Variants in ZDHHC18 observed in about 807,000 individuals in gnomAD.
The protein encoded by ZDHHC18 is zDHHC palmitoyltransferase 18.
Under a neutral mutation model 37.5 loss-of-function variants are expected in ZDHHC18, and 23 were observed. That is an observed-to-expected ratio of 0.61 (90% CI 0.44 to 0.87). ZDHHC18 has a LOEUF of 0.87. ZDHHC18 is among the 40% of genes least tolerant of loss of function. ZDHHC18 has a pLI of 0.00. For missense variants in ZDHHC18, 406 were observed against 525.6 expected (o/e 0.77, Z 2.22); for synonymous variants, 185 against 218.7 (o/e 0.85, Z 1.36).
chr1:26,832,143 C>T (rs2081590959), intron 1 of ZDHHC18: 1 of 314,502 alleles, frequency 3.2e-6, no homozygotes, highest in African/African-American at 2.1e-5. Context: ...TAGTGTCTGC[C>T]TGAAGCTCTG....
chr1:26,848,844 G>T, intron 3 of ZDHHC18, 87 bp downstream of exon 3: 4 of 1,519,242 alleles, frequency 2.6e-6, no homozygotes, highest in Non-Finnish European at 3.6e-6. Context: ...TGGGGATGGC[G>T]TGGGCAGGGT....
intron 2 of ZDHHC18, among the ~76,000 whole-genome samples, chr1:26,838,474 C>T (rs1204509014): frequency 6.6e-6 from 1 of 152,182 alleles, no homozygotes; most frequent in Non-Finnish European, 1.5e-5. Flanking sequence ...TTCCTGCCTC[C>T]ACCCCACATA....
intron 2 of ZDHHC18, among the ~76,000 whole-genome samples, chr1:26,836,572 CTT>C (rs753110980): frequency 3.6e-5 from 5 of 139,358 alleles, no homozygotes; most frequent in Non-Finnish European, 6.3e-5. Flanking sequence ...TTCTTTTTTT[CTT>C]TTTTTTTTTT....
At chr1:26,845,721 T>C (rs1283192468) in intron 2 of ZDHHC18, among the ~76,000 whole-genome samples, 1 of 152,120 alleles carries the variant, frequency 6.6e-6, no homozygotes, top group African/African-American at 2.4e-5. Context: ...AATTTTGATA[T>C]AATGCAGTTT....
chr1:26,846,396 G>A (rs1205858483), intron 2 of ZDHHC18, among the ~76,000 whole-genome samples: 4 of 128,174 alleles, frequency 3.1e-5, no homozygotes, highest in African/African-American at 6.0e-5. Flanking sequence ...GCCCAATCTC[G>A]GCTCACTGCA....
At chr1:26,853,381 C>T (rs2081716967) in intron 7 of ZDHHC18, among the ~76,000 whole-genome samples, 1 of 152,198 alleles carries the variant, frequency 6.6e-6, no homozygotes, top group Non-Finnish European at 1.5e-5. Flanking sequence ...TGTCACCCAG[C>T]CTGCCTAGAG....
chr1:26,841,760 T>G (rs564254425), intron 2 of ZDHHC18, among the ~76,000 whole-genome samples: 19 of 152,148 alleles, frequency 1.2e-4, no homozygotes, highest in Non-Finnish European at 2.6e-4. Flanking sequence ...AGCACTGTGC[T>G]CAGGGCTGTG....
At chr1:26,847,009 C>T (rs1260953997) in intron 2 of ZDHHC18, among the ~76,000 whole-genome samples, 1 of 152,028 alleles carries the variant, frequency 6.6e-6, no homozygotes, top group Non-Finnish European at 1.5e-5. Flanking sequence ...GATTCTCCTG[C>T]CTCAGCCTCC....
chr1:26,830,928 A>G (rs2124246500), intron 1 of ZDHHC18, among the ~76,000 whole-genome samples: 1 of 152,210 alleles, frequency 6.6e-6, no homozygotes, highest in East Asian at 1.9e-4. Context: ...GATTACAGGC[A>G]CATGCTACCA....
Position 26,854,651 on chromosome 1 carries a change from A to G in ZDHHC18, c.*808A>G, listed in dbSNP as rs544421966. ...TTATGCTCATGCTGGCAATACTTGA[A>G]ACGGGTTTATTAATGCTGGGTATTT... On this transcript the variant is annotated 3_prime_UTR_variant, in exon 8 of 8. Coordinates refer to ENST00000374142, the MANE Select transcript of ZDHHC18 (RefSeq NM_032283.3). This position sits in a 1 kb window ranked among gnomAD's most constrained non-coding sequence, Gnocchi z 4.6. 1.2e-4 allele frequency: 19 copies of G among 152,666 alleles called. No individual in the cohort carries two copies. Among genetic ancestry groups the G allele is most frequent in the East Asian group, 1.2e-3 (6 of 5,176 alleles). The allele number at this position is 152,666 out of a possible 1,614,324, so 9.5% of individuals were successfully genotyped here.
At chr1:26,830,315 C>T (rs1455545181) in intron 1 of ZDHHC18, among the ~76,000 whole-genome samples, 1 of 152,154 alleles carries the variant, frequency 6.6e-6, no homozygotes, top group Non-Finnish European at 1.5e-5. Flanking sequence ...CTTTAGCACT[C>T]CTGAGCCATG....
chr1:26,842,359 A>G (rs2081643617), intron 2 of ZDHHC18, among the ~76,000 whole-genome samples: 1 of 152,232 alleles, frequency 6.6e-6, no homozygotes, highest in South Asian at 2.1e-4. Context: ...TAACTCTCAC[A>G]ACAACCCTAT....
chr1:26,840,970 C>A (rs1355213620), intron 2 of ZDHHC18, among the ~76,000 whole-genome samples: 1 of 140,452 alleles, frequency 7.1e-6, no homozygotes, highest in Admixed American at 7.5e-5. Flanking sequence ...ATGCCACATA[C>A]AGCTAATTTT....
At chr1:26,831,203 G>A (rs2081587600) in intron 1 of ZDHHC18, among the ~76,000 whole-genome samples, 2 of 152,224 alleles carry the variant, frequency 1.3e-5, no homozygotes, top group African/African-American at 2.4e-5. Context: ...TGTCAAGGTA[G>A]GTCCTTCTGA....
chr1:26,847,922 A>T (rs981793890), intron 2 of ZDHHC18, among the ~76,000 whole-genome samples: 5 of 152,160 alleles, frequency 3.3e-5, no homozygotes, highest in Non-Finnish European at 7.4e-5. Context: ...CTCATATTCT[A>T]GATCTGACTT....
chr1:26,852,437 A>C (rs2081709998), intron 6 of ZDHHC18, among the ~76,000 whole-genome samples: 1 of 152,226 alleles, frequency 6.6e-6, no homozygotes, highest in Non-Finnish European at 1.5e-5. Flanking sequence ...CGGGGCTCAC[A>C]GGCAGGTCAG....
At chr1:26,844,102 T>G (rs2081651774) in intron 2 of ZDHHC18, among the ~76,000 whole-genome samples, 1 of 152,094 alleles carries the variant, frequency 6.6e-6, no homozygotes, top group Non-Finnish European at 1.5e-5. Context: ...TGCAATGGCG[T>G]GATTTCAGCT....
chr1:26,841,678 G>A (rs1280858571), intron 2 of ZDHHC18, among the ~76,000 whole-genome samples: 3 of 152,096 alleles, frequency 2.0e-5, no homozygotes, highest in Non-Finnish European at 4.4e-5. Flanking sequence ...GCTGCTGCTG[G>A]GGGTTCTGCA....
intron 1 of ZDHHC18, among the ~76,000 whole-genome samples, chr1:26,828,359 C>G (rs546409145): frequency 6.6e-6 from 1 of 152,180 alleles, no homozygotes; most frequent in South Asian, 2.1e-4. Context: ...AGGGCAGTCA[C>G]TTCACCCCCT....
Sources: gnomAD v4.1 joint callset for allele counts (sites outside exome capture counted in the v4.1 genomes callset) on GRCh38, gnomAD v4.1.1 for gene constraint, Gnocchi (gnomAD v3.1) non-coding constraint, MANE v1.5 for transcripts, NCBI Gene and HGNC (gene_info 2026-07-23, HGNC 2026-07-21) for gene names.